TRAF5: variants seen among roughly 807,000 people sequenced by gnomAD.
TRAF5 encodes the protein TNF receptor associated factor 5, also known as TNF receptor-associated factor 5.
Under a neutral mutation model 64.5 loss-of-function variants are expected in TRAF5, and 48 were observed. The ratio of observed to expected loss-of-function variants is 0.74; its 90% CI spans 0.59 to 0.95. The LOEUF (loss-of-function observed/expected upper bound fraction) is 0.95. Among genes scored for constraint, TRAF5 ranks in the 40% least tolerant of loss-of-function variants. TRAF5 has a pLI of 0.00. For synonymous variants in TRAF5, 206 were observed against 240.5 expected (o/e 0.86, Z 1.33); for missense variants, 545 against 662.8 (o/e 0.82, Z 1.95).
intron 8 of TRAF5, 85 bp from the exon 9 acceptor site, chr1:211,369,367 C>A: frequency 8.4e-7 from 1 of 1,184,144 alleles, no homozygotes; most frequent in Non-Finnish European, 1.1e-6. Context: ...GAAATACTTT[C>A]TTAGCTGCAA....
At chr1:211,349,034 T>A (rs1266461420) in intron 1 of TRAF5, among the ~76,000 whole-genome samples, 11 of 84,664 alleles carry the variant, frequency 1.3e-4, no homozygotes, top group Admixed American at 3.0e-4. Context: ...ACTCTGTCTC[T>A]AAAAAAAAAA....
intron 4 of TRAF5, 161 bp from the exon 5 acceptor site, chr1:211,359,751 G>A (rs1703110559): frequency 1.4e-6 from 1 of 697,100 alleles, no homozygotes; most frequent in Non-Finnish European, 2.3e-6. Context: ...AGCAGAGACA[G>A]TGGGCAGCAT....
At chr1:211,326,780 C>T (rs1160709020), upstream of TRAF5, 2 of 984,368 alleles carry the variant, frequency 2.0e-6, no homozygotes, top group East Asian at 1.1e-4. The surrounding 1 kb of genome is among the most constrained non-coding windows in gnomAD (Gnocchi z 5.0). Context: ...CGCCCGCGCC[C>T]CGGCCCCGCC....
chr1:211,340,564 G>A (rs1483839016), intron 1 of TRAF5, among the ~76,000 whole-genome samples: 1 of 152,210 alleles, frequency 6.6e-6, no homozygotes, highest in Non-Finnish European at 1.5e-5. Context: ...TTATAGGTGT[G>A]AGCTGTTGGG....
intron 10 of TRAF5, 40 bp downstream of exon 10, chr1:211,371,510 G>T (rs745625653): frequency 5.1e-6 from 8 of 1,584,150 alleles, no homozygotes; most frequent in South Asian, 2.3e-5. Context: ...TGACTCATTT[G>T]TCTGCATGTG....
chr1:211,351,221 T>A (rs1572071606), intron 1 of TRAF5, among the ~76,000 whole-genome samples: 1 of 151,464 alleles, frequency 6.6e-6, no homozygotes, highest in Non-Finnish European at 1.5e-5. Flanking sequence ...AGAGACGGGG[T>A]TTCACCGCGT....
chr1:211,359,909 C>G lies in TRAF5; in HGVS notation c.379-3C>G. Reference sequence around the variant, plus strand: ...CCCACTGGCCTGTTGTTATCTGTTGCAGGATCACCTTCAGCAGTGCTTATT... The same window carrying G: ...CCCACTGGCCTGTTGTTATCTGTTGGAGGATCACCTTCAGCAGTGCTTATT... On this transcript the variant is annotated splice_region_variant and splice_polypyrimidine_tract_variant and intron_variant, in intron 4 of 10. Transcript: ENST00000261464. 6.2e-7 allele frequency: 1 copy of G among 1,613,870 alleles called. No individual in the cohort carries two copies. Among genetic ancestry groups the G allele is most frequent in the South Asian group, 1.1e-5 (1 of 91,062 alleles).
intron 5 of TRAF5, chr1:211,360,347 A>G (rs953182591): frequency 4.0e-6 from 2 of 504,724 alleles, no homozygotes; most frequent in East Asian, 3.6e-5. Context: ...GGAGGTGACA[A>G]TAATGTCTAC....
rs777934981 is a variant in TRAF5 at position 211,372,712 on chromosome 1, T to C, written c.*10T>C. 3.1e-6 allele frequency: 5 copies of C among 1,611,342 alleles called. No homozygotes were observed. Among genetic ancestry groups the C allele is most frequent in the Non-Finnish European group, 4.2e-6 (5 of 1,177,848 alleles). ...CCTGGAGGATCTCTAGTCACTGTTA[T>C]GGGGTGATAAGAGGACTTCTTGGGG... On this transcript the variant is annotated 3_prime_UTR_variant, in exon 11 of 11. Transcript: ENST00000261464.
At chr1:211,349,309 C>T (rs1044968404) in intron 1 of TRAF5, among the ~76,000 whole-genome samples, 2 of 152,196 alleles carry the variant, frequency 1.3e-5, no homozygotes, top group South Asian at 4.1e-4. Flanking sequence ...ATGTATTTCT[C>T]ACAGTTCTGA....
intron 1 of TRAF5, among the ~76,000 whole-genome samples, chr1:211,327,226 G>C (rs1159637338): frequency 6.6e-6 from 1 of 152,150 alleles, no homozygotes; most frequent in African/African-American, 2.4e-5. Flanking sequence ...GGCGGCTGTG[G>C]ACCGGAGGGG....
intron 1 of TRAF5, among the ~76,000 whole-genome samples, chr1:211,343,892 T>C (rs1007257960): frequency 1.3e-5 from 2 of 152,138 alleles, no homozygotes; most frequent in Non-Finnish European, 2.9e-5. Context: ...GTGGGGACTG[T>C]TACAGAGCTG....
rs1277358002 is a variant in TRAF5, at chr1:211,374,676, T to C, written c.*1974T>C. 1 of 152,248 alleles carries C rather than the reference T, an allele frequency of 6.6e-6. No individual in the cohort carries two copies. The highest frequency in any genetic ancestry group is 1.5e-5 in the Non-Finnish European group (1 of 68,028). 9.4% of individuals were successfully genotyped at this position (152,248 alleles called of 1,614,324 possible). ...CCCAGGTGCTCTGTATGTTTGTTTTTAATATTCATCATATCCAAGTTCACT... is the reference window on the plus strand; with the variant it reads ...CCCAGGTGCTCTGTATGTTTGTTTTCAATATTCATCATATCCAAGTTCACT... On this transcript the variant is annotated 3_prime_UTR_variant, in exon 11 of 11. Coordinates refer to ENST00000261464, the MANE Select transcript of TRAF5 (RefSeq NM_001033910.3).
At position 211,353,367 on chromosome 1, in the gene TRAF5, A is replaced by G; in HGVS notation, c.128A>G (p.Tyr43Cys). The change falls in exon 2 of 11, where the codon TAC becomes TGC. Residue 43 changes from tyrosine to cysteine, a missense_variant. Coordinates refer to ENST00000261464, the MANE Select transcript of TRAF5 (RefSeq NM_001033910.3). ...YQFVERLEERYKCAFCHSVLH... is the reference protein window; with the variant it reads ...YQFVERLEERCKCAFCHSVLH... ...TTTGTGGAGCGGTTGGAAGAGCGCT[A>G]CAAATGTGCCTTCTGCCACTCGGTG... 2.5e-6 allele frequency: 4 copies of G among 1,614,188 alleles called. No homozygotes were observed. Among genetic ancestry groups the G allele is most frequent in the Non-Finnish European group, 3.4e-6 (4 of 1,180,034 alleles).
chr1:211,372,872 A>G lies in TRAF5; in HGVS notation c.*170A>G. 1.7e-6 allele frequency: 1 copy of G among 574,698 alleles called. No homozygotes were observed. Among genetic ancestry groups the G allele is most frequent in the Non-Finnish European group, 3.0e-6 (1 of 329,020 alleles). 35.6% of individuals were successfully genotyped at this position (574,698 alleles called of 1,614,324 possible). On this transcript the variant is annotated 3_prime_UTR_variant, in exon 11 of 11. Transcript: ENST00000261464. ...CTGAAGTGCTGTCTTTTTACATTTTACTCTGTCCCAGTTTGAAACTTAAAA... is the reference window on the plus strand; with the variant it reads ...CTGAAGTGCTGTCTTTTTACATTTTGCTCTGTCCCAGTTTGAAACTTAAAA...
In TRAF5 at chr1:211,356,473, G is replaced by A. The variant is rs766796259; in HGVS notation, c.378+5G>A. 23 of 1,613,382 alleles carry A rather than the reference G, an allele frequency of 1.4e-5. No individual in the cohort carries two copies. The highest frequency in any genetic ancestry group is 1.9e-5 in the Non-Finnish European group (22 of 1,179,508). On this transcript the variant is annotated splice_donor_5th_base_variant and intron_variant, in intron 4 of 10. Transcript: ENST00000261464. Reference sequence around the variant, plus strand: ...GTTATTCTGGGCCGGTACCAGGTTGGTATTACTCATGAACGATATCTGCTT... The same window carrying A: ...GTTATTCTGGGCCGGTACCAGGTTGATATTACTCATGAACGATATCTGCTT...
chr1:211,326,769 C>A, upstream of TRAF5: 1 of 984,646 alleles, frequency 1.0e-6, no homozygotes, highest in Non-Finnish European at 1.2e-6. This position sits in a 1 kb window ranked among gnomAD's most constrained non-coding sequence, Gnocchi z 5.0. Flanking sequence ...CCGCGCCCCT[C>A]CGCCCGCGCC....
chr1:211,364,875 A>C (rs1382935438), intron 7 of TRAF5, among the ~76,000 whole-genome samples: 1 of 152,058 alleles, frequency 6.6e-6, no homozygotes, highest in African/African-American at 2.4e-5. Context: ...TGGATATTGT[A>C]GAATCCTAAA....
intron 8 of TRAF5, 22 bp downstream of exon 8, chr1:211,365,490 T>C: frequency 1.3e-6 from 2 of 1,591,352 alleles, no homozygotes; most frequent in Non-Finnish European, 1.7e-6. Flanking sequence ...AAGGTTCAAA[T>C]AAAAAGTGAG....
Sources: gnomAD v4.1 joint callset for allele counts (sites outside exome capture counted in the v4.1 genomes callset) on GRCh38, gnomAD v4.1.1 for gene constraint, Gnocchi (gnomAD v3.1) non-coding constraint, MANE v1.5 for transcripts, NCBI Gene and HGNC (gene_info 2026-07-23, HGNC 2026-07-21) for gene names.